Variants in SLC35D4 observed in about 807,000 individuals in gnomAD.
The protein encoded by SLC35D4 is solute carrier family 35 member D4, also known as UDP-N-acetylglucosamine transporter SLC35D4.
At chr18:23,290,932 C>A in the SLC35D4 span, among the ~76,000 whole-genome samples, 2 of 152,182 alleles carry the variant, frequency 1.3e-5, no homozygotes, top group South Asian at 4.1e-4. Context: ...GCCACCACAC[C>A]CGTCATTTTG....
the SLC35D4 span, among the ~76,000 whole-genome samples, chr18:23,286,558 T>C: frequency 2.0e-5 from 3 of 151,974 alleles, no homozygotes; most frequent in Non-Finnish European, 4.4e-5. Context: ...GGAAGCCCCG[T>C]AGACCATCAC....
At chr18:23,354,524 A>G in the SLC35D4 span, among the ~76,000 whole-genome samples, 1 of 151,004 alleles carries the variant, frequency 6.6e-6, no homozygotes, top group Non-Finnish European at 1.5e-5. Flanking sequence ...CGTCTCAAAA[A>G]AAAAAAAAAA....
the SLC35D4 span, among the ~76,000 whole-genome samples, chr18:23,273,282 T>C: frequency 6.6e-6 from 1 of 152,060 alleles, no homozygotes; most frequent in Non-Finnish European, 1.5e-5. Context: ...AAATGTTAAG[T>C]TGAAGAGGAA....
chr18:23,274,190 C>A, the SLC35D4 span, among the ~76,000 whole-genome samples: 1 of 152,222 alleles, frequency 6.6e-6, no homozygotes, highest in Non-Finnish European at 1.5e-5. Context: ...CCTGCTTCAG[C>A]CTCCTGAAGT....
At chr18:23,325,064 C>T in the SLC35D4 span, among the ~76,000 whole-genome samples, 2 of 152,034 alleles carry the variant, frequency 1.3e-5, no homozygotes, top group Admixed American at 6.5e-5. Flanking sequence ...CCGTGTGTGT[C>T]TGTGAGACAG....
chr18:23,352,947 T>A, the SLC35D4 span, among the ~76,000 whole-genome samples: 1 of 152,202 alleles, frequency 6.6e-6, no homozygotes, highest in Non-Finnish European at 1.5e-5. Flanking sequence ...CAGCAGTGGA[T>A]GGAGATGTAG....
the SLC35D4 span, chr18:23,421,435 C>T: frequency 1.1e-5 from 18 of 1,613,818 alleles, no homozygotes; most frequent in South Asian, 5.5e-5. Flanking sequence ...CACCAATGAG[C>T]GTCTGCCACC....
the SLC35D4 span, among the ~76,000 whole-genome samples, chr18:23,318,430 C>T: frequency 1.3e-5 from 2 of 152,086 alleles, no homozygotes; most frequent in Admixed American, 6.6e-5. Context: ...ATGAAGTTCA[C>T]TTTATCTAAT....
At chr18:23,290,073 C>G in the SLC35D4 span, among the ~76,000 whole-genome samples, 5 of 152,192 alleles carry the variant, frequency 3.3e-5, no homozygotes, top group Non-Finnish European at 7.3e-5. Context: ...ATCAGAGGCC[C>G]CTGGAGAGTA....
chr18:23,373,873 T>A, the SLC35D4 span: 1 of 1,164,464 alleles, frequency 8.6e-7, no homozygotes, highest in Non-Finnish European at 1.2e-6. Context: ...GCAAAGATCC[T>A]GCGAGACCAA....
chr18:23,249,456 A>G, the SLC35D4 span, among the ~76,000 whole-genome samples: 1 of 152,214 alleles, frequency 6.6e-6, no homozygotes. Context: ...TCTTTGGCAC[A>G]TAGAAATCAG....
At chr18:23,415,283 TTC>T in the SLC35D4 span, among the ~76,000 whole-genome samples, 1 of 152,204 alleles carries the variant, frequency 6.6e-6, no homozygotes, top group Non-Finnish European at 1.5e-5. Flanking sequence ...GGATGTGGGC[TTC>T]TGTTTCATCT....
At chr18:23,308,876 C>CTA in the SLC35D4 span, among the ~76,000 whole-genome samples, 1 of 139,986 alleles carries the variant, frequency 7.1e-6, no homozygotes. Flanking sequence ...CTCTCTCTCT[C>CTA]TGTGTGTGTG....
chr18:23,357,227 T>C, the SLC35D4 span, among the ~76,000 whole-genome samples: 1 of 152,202 alleles, frequency 6.6e-6, no homozygotes, highest in African/African-American at 2.4e-5. Context: ...GTTTAATGAC[T>C]GCAAGAACAG....
At chr18:23,437,695 CAGG>C in the SLC35D4 span, 7 of 1,393,574 alleles carry the variant, frequency 5.0e-6, no homozygotes, top group East Asian at 2.5e-5. Flanking sequence ...AGGTAAAAAG[CAGG>C]AGGAGGCTCC....
At chr18:23,414,322 G>GAAGA in the SLC35D4 span, among the ~76,000 whole-genome samples, 1 of 147,922 alleles carries the variant, frequency 6.8e-6, no homozygotes, top group Non-Finnish European at 1.5e-5. Context: ...AGGAAGGAAG[G>GAAGA]AAGGAAGGAA....
chr18:23,260,262 G>A, the SLC35D4 span: 1 of 152,086 alleles, frequency 6.6e-6, no homozygotes, highest in African/African-American at 2.4e-5. Context: ...TGTTTTCCTT[G>A]GCATTTTGTT....
chr18:23,365,654 G>T, the SLC35D4 span: 131 of 1,613,508 alleles, frequency 8.1e-5, 1 homozygote, highest in Admixed American at 2.2e-3. Flanking sequence ...AGATGCAAAT[G>T]CCAGGAGCAC....
the SLC35D4 span, among the ~76,000 whole-genome samples, chr18:23,245,260 C>T: frequency 1.3e-5 from 2 of 152,142 alleles, no homozygotes; most frequent in Non-Finnish European, 2.9e-5. Flanking sequence ...GTAACCCCAA[C>T]GCTTTGGGAG....
Sources: gnomAD v4.1 joint callset for allele counts (sites outside exome capture counted in the v4.1 genomes callset) on GRCh38, gnomAD v4.1.1 for gene constraint, MANE v1.5 for transcripts, NCBI Gene and HGNC (gene_info 2026-07-23, HGNC 2026-07-21) for gene names.